SCN8A: variants seen among roughly 807,000 people sequenced by gnomAD.
SCN8A encodes sodium channel protein type 8 subunit alpha.
A neutral mutation model predicts 184.1 loss-of-function variants in SCN8A; 30 were observed. That is an observed-to-expected ratio of 0.16 (90% confidence interval 0.12 to 0.22). The LOEUF (loss-of-function observed/expected upper bound fraction) is 0.22. Ranked by LOEUF, SCN8A falls within the 10% of genes least tolerant of loss-of-function variation. The probability of loss-of-function intolerance (pLI) is 1.00; values close to 1 mark genes in which losing one functional copy is unlikely to be tolerated. For synonymous variants in SCN8A, 852 were observed against 907.0 expected (o/e 0.94, Z 1.09); for missense variants, 1,057 against 2,498.9 (o/e 0.42, Z 12.30).
At chr12:51,610,472 T>G (rs1185893934) in intron 1 of SCN8A, among the ~76,000 whole-genome samples, 2 of 152,174 alleles carry the variant, frequency 1.3e-5, no homozygotes, top group African/African-American at 4.8e-5. Flanking sequence ...TAACTTGTAT[T>G]TTTGTTTTAT....
chr12:51,794,493 G>C lies in SCN8A; in HGVS notation c.4647G>C (p.Gln1549His). The C allele has an allele frequency of 6.2e-7, 1 of 1,614,020 alleles. No individual in the cohort carries two copies. ...MMVETDTQSK[Q>H]MENILYWINL... ...TGGAGACAGACACTCAAAGCAAGCAGATGGAGAACATCCTCTACTGGATTA... is the reference window on the plus strand; with the variant it reads ...TGGAGACAGACACTCAAAGCAAGCACATGGAGAACATCCTCTACTGGATTA... Residue 1549 changes from glutamine (Q) to histidine (H), a missense_variant, in exon 26 of 27, where the codon CAG becomes CAC. By Grantham distance (24) the Gln-to-His change is conservative (BLOSUM62 0). Around this residue, in one of 19 missense-constraint regions of SCN8A, gnomAD observed 34 missense variants for 64.0 expected, o/e 0.53. Coordinates refer to ENST00000627620, the MANE Select transcript of SCN8A (RefSeq NM_001330260.2).
chr12:51,760,579 G>T (rs12313433), intron 14 of SCN8A, among the ~76,000 whole-genome samples: 1 of 152,226 alleles, frequency 6.6e-6, no homozygotes, highest in African/African-American at 2.4e-5. Context: ...TCTACTTAGT[G>T]TGTGTTAGGC....
intron 1 of SCN8A, among the ~76,000 whole-genome samples, chr12:51,611,881 T>C (rs1939728334): frequency 6.6e-6 from 1 of 152,246 alleles, no homozygotes; most frequent in African/African-American, 2.4e-5. Flanking sequence ...TGTGAACTTG[T>C]ATCTTACAAC....
At chr12:51,686,964 G>A in intron 4 of SCN8A, 127 bp from the exon 5 acceptor site, 2 of 861,574 alleles carry the variant, frequency 2.3e-6, no homozygotes, top group Middle Eastern at 3.2e-4. Flanking sequence ...CCTTCCTGCT[G>A]CATTGGCTGT....
In SCN8A at chr12:51,606,908, T is replaced by TTTA. The variant is rs1565856883; in HGVS notation, c.-55+15551_-55+15552insATT. On this transcript the variant is annotated intron_variant, in intron 1 of 26. Coordinates refer to ENST00000627620, the MANE Select transcript of SCN8A (RefSeq NM_001330260.2). ...TTTATATATATTTATTTATTTATTTTTTTTTTTGAGACAGAGTCTTGCTCT... is the reference window on the plus strand; with the variant it reads ...TTTATATATATTTATTTATTTATTTTTTATTTTTTTGAGACAGAGTCTTGCTCT... Among the ~76,000 whole-genome samples the TTTA allele has an allele frequency of 4.0e-5, 6 of 151,184 alleles. No individual in the cohort carries two copies. In the East Asian group the frequency reaches 7.7e-4, roughly 19 times the overall value.
intron 1 of SCN8A, among the ~76,000 whole-genome samples, chr12:51,629,834 A>C (rs1256018973): frequency 6.6e-6 from 1 of 152,132 alleles, no homozygotes; most frequent in Non-Finnish European, 1.5e-5. Context: ...GACTACTGTG[A>C]GGGAGAAGAG....
chr12:51,791,527 G>T (rs1490606924), intron 25 of SCN8A, among the ~76,000 whole-genome samples: 3 of 152,124 alleles, frequency 2.0e-5, no homozygotes, highest in Admixed American at 1.3e-4. Context: ...GAGAACATTT[G>T]GGGTTTTTTA....
chr12:51,712,276 T>C (rs1941891308), intron 11 of SCN8A, among the ~76,000 whole-genome samples: 1 of 152,222 alleles, frequency 6.6e-6, no homozygotes, highest in Admixed American at 6.5e-5. Flanking sequence ...ATGGTAGTCC[T>C]GAACAAGAAG....
At chr12:51,593,830 A>G (rs1939286022) in intron 1 of SCN8A, among the ~76,000 whole-genome samples, 1 of 152,170 alleles carries the variant, frequency 6.6e-6, no homozygotes, top group Non-Finnish European at 1.5e-5. Flanking sequence ...CATGGAGACA[A>G]TGTTTTACAG....
chr12:51,773,327 C>A (rs141989457), intron 19 of SCN8A, among the ~76,000 whole-genome samples: 2 of 152,184 alleles, frequency 1.3e-5, no homozygotes, highest in Non-Finnish European at 2.9e-5. Flanking sequence ...TATAGTCCAC[C>A]ACTCTGCAGA....
Position 51,635,284 on chromosome 12 carries a change from T to C in SCN8A, c.-54-27480T>C, listed in dbSNP as rs556948808. 3.3e-5 allele frequency among the ~76,000 whole-genome samples: 5 copies of C among 152,366 alleles called. No individual in the cohort carries two copies. The South Asian group carries it at 8.3e-4, about 25-fold the overall frequency. The stretch of plus-strand genomic sequence containing the variant: ...CACACTTGCCCCTAATGCTGGGTTA[T>C]GTGAACCTCTAGTACCTTATCCTTA... On this transcript the variant is annotated intron_variant, in intron 1 of 26. Transcript: ENST00000627620.
rs566551962 is a variant in SCN8A at position 51,643,476 on chromosome 12, A to G, written c.-54-19288A>G. Among the ~76,000 whole-genome samples, 9 of 152,332 alleles carry G rather than the reference A, an allele frequency of 5.9e-5. No homozygotes were observed. The South Asian group carries it at 1.7e-3, about 28-fold the overall frequency. On this transcript the variant is annotated intron_variant, in intron 1 of 26. Coordinates refer to ENST00000627620, the MANE Select transcript of SCN8A (RefSeq NM_001330260.2). ...GACAGGCCCATAACCACTTTGATGT[A>G]TCTTCTTTACTTCTGTGTATTTGGG...
intron 11 of SCN8A, among the ~76,000 whole-genome samples, chr12:51,710,855 C>T (rs1941862898): frequency 6.6e-6 from 1 of 151,964 alleles, no homozygotes; most frequent in African/African-American, 2.4e-5. Context: ...TTATTTGTTG[C>T]TTTTTACTCT....
At position 51,790,756 on chromosome 12, in the gene SCN8A, T is replaced by C. The variant is rs2241854; in HGVS notation, c.4524+254T>C. 0.12 allele frequency among the ~76,000 whole-genome samples: 17,750 copies of C among 152,174 alleles called. 1,286 individuals carry two copies. The highest frequency in any genetic ancestry group is 0.36 in the East Asian group (1,872 of 5,166). On this transcript the variant is annotated intron_variant, in intron 25 of 26. Coordinates refer to ENST00000627620, the MANE Select transcript of SCN8A (RefSeq NM_001330260.2). ...ACCAAGAATCAGCATGTGAACCACA[T>C]TGGCTTTGGCCCTAGTAGAGAGATG...
At chr12:51,733,989 T>G (rs1942283386) in intron 12 of SCN8A, among the ~76,000 whole-genome samples, 1 of 152,182 alleles carries the variant, frequency 6.6e-6, no homozygotes, top group Admixed American at 6.5e-5. Context: ...GCTAAAGGTT[T>G]GTCAATTTTG....
chr12:51,718,040 A>C lies in SCN8A; in HGVS notation c.1636-3506A>C, dbSNP rs1777877587. ...TATGCAACTAGAATTATCCAAAGAAAATATACCAATCTGGGGACAGGGGCT... is the reference window on the plus strand; with the variant it reads ...TATGCAACTAGAATTATCCAAAGAACATATACCAATCTGGGGACAGGGGCT... On this transcript the variant is annotated intron_variant, in intron 11 of 26. Transcript: ENST00000627620. Among the ~76,000 whole-genome samples the C allele has an allele frequency of 2.0e-5, 3 of 152,220 alleles. No individual in the cohort carries two copies. In the South Asian group the frequency reaches 6.2e-4, roughly 32 times the overall value.
At chr12:51,742,001 G>T (rs1160575773) in intron 12 of SCN8A, among the ~76,000 whole-genome samples, 2 of 152,070 alleles carry the variant, frequency 1.3e-5, no homozygotes, top group African/African-American at 4.8e-5. Context: ...ACTGCACCTG[G>T]CATAACCCAT....
At chr12:51,591,456 G>C (rs1051421743) in intron 1 of SCN8A, 97 bp downstream of exon 1, 18 of 152,860 alleles carry the variant, frequency 1.2e-4, no homozygotes, top group African/African-American at 4.3e-4. Context: ...CCCATCTCCA[G>C]TCAGGGGCTT....
chr12:51,754,657 C>T (rs1406577292), intron 14 of SCN8A, among the ~76,000 whole-genome samples: 1 of 152,206 alleles, frequency 6.6e-6, no homozygotes, highest in Non-Finnish European at 1.5e-5. Context: ...ATGTAGCTAT[C>T]ATATCTCTCT....
Sources: gnomAD v4.1 joint callset for allele counts (sites outside exome capture counted in the v4.1 genomes callset) on GRCh38, gnomAD v4.1.1 for gene constraint, gnomAD v4.1.1 regional missense constraint, MANE v1.5 for transcripts, NCBI Gene and HGNC (gene_info 2026-07-23, HGNC 2026-07-21) for gene names.